Variants in RANBP10 observed in about 807,000 individuals in gnomAD.
RANBP10 encodes ran-binding protein 10.
RANBP10 carries 24 observed loss-of-function variants against 72.8 expected under a neutral mutation model. The observed-to-expected ratio is 0.33, with a 90% confidence interval of 0.24 to 0.46. RANBP10 has a LOEUF of 0.46. Ranked by LOEUF, RANBP10 falls within the 20% of genes least tolerant of loss-of-function variation. RANBP10 has a pLI of 1.00. For synonymous variants in RANBP10, 310 were observed against 322.3 expected, an observed-to-expected ratio of 0.96 and a Z score of 0.41; for missense variants, 679 against 817.5, an observed-to-expected ratio of 0.83 and a Z score of 2.07.
At chr16:67,779,570 A>G (rs2143014738) in intron 2 of RANBP10, among the ~76,000 whole-genome samples, 1 of 152,310 alleles carries the variant, frequency 6.6e-6, no homozygotes, top group African/African-American at 2.4e-5. Flanking sequence ...ATAGGAGGCC[A>G]CTGACACTAC....
At chr16:67,743,510 C>A (rs2054009083) in intron 4 of RANBP10, among the ~76,000 whole-genome samples, 1 of 152,194 alleles carries the variant, frequency 6.6e-6, no homozygotes, top group Non-Finnish European at 1.5e-5. Flanking sequence ...TCCTAAATGT[C>A]TACGCATGTA....
chr16:67,789,199 A>T (rs750959000), intron 2 of RANBP10, among the ~76,000 whole-genome samples: 1 of 150,116 alleles, frequency 6.7e-6, no homozygotes, highest in Non-Finnish European at 1.5e-5. Flanking sequence ...AGTCTCAGCT[A>T]GTCAGGAGGC....
chr16:67,798,716 C>A (rs991907340), intron 2 of RANBP10, among the ~76,000 whole-genome samples: 1 of 152,166 alleles, frequency 6.6e-6, no homozygotes, highest in African/African-American at 2.4e-5. Flanking sequence ...AAAAAGACAA[C>A]CGCTATGAGA....
chr16:67,779,577 C>T (rs1306551620), intron 2 of RANBP10, among the ~76,000 whole-genome samples: 1 of 152,196 alleles, frequency 6.6e-6, no homozygotes, highest in Non-Finnish European at 1.5e-5. Flanking sequence ...GCCACTGACA[C>T]TACCCTTCCT....
intron 3 of RANBP10, among the ~76,000 whole-genome samples, chr16:67,746,708 T>A (rs962122405): frequency 6.6e-6 from 1 of 152,186 alleles, no homozygotes; most frequent in Admixed American, 6.6e-5. Context: ...CCATTCCCAG[T>A]CCCCGGCAAC....
intron 2 of RANBP10, among the ~76,000 whole-genome samples, chr16:67,792,980 C>G (rs919947147): frequency 6.6e-6 from 1 of 152,068 alleles, no homozygotes; most frequent in Non-Finnish European, 1.5e-5. Flanking sequence ...GTTACACATC[C>G]TTGGTTCTGA....
intron 3 of RANBP10, among the ~76,000 whole-genome samples, chr16:67,758,156 G>T (rs1161264840): frequency 6.6e-6 from 1 of 152,210 alleles, no homozygotes; most frequent in Non-Finnish European, 1.5e-5. Flanking sequence ...GGCCCAGGGG[G>T]GCCAGGCTGG....
At chr16:67,771,435 T>C (rs1357990313) in intron 3 of RANBP10, among the ~76,000 whole-genome samples, 2 of 151,752 alleles carry the variant, frequency 1.3e-5, no homozygotes, top group Non-Finnish European at 1.5e-5. Flanking sequence ...AACCTCCACC[T>C]CCCGGGTTCA....
At chr16:67,733,889 C>T (rs2053785852) in intron 6 of RANBP10, among the ~76,000 whole-genome samples, 1 of 152,234 alleles carries the variant, frequency 6.6e-6, no homozygotes, top group African/African-American at 2.4e-5. Context: ...CTCCCCTACA[C>T]AGACTTGGCA....
rs1366862911 is a variant in RANBP10 at position 67,788,932 on chromosome 16, G to T, written c.347+16496C>A. Among the ~76,000 whole-genome samples, 2 of 149,560 alleles carry T rather than the reference G, an allele frequency of 1.3e-5. 1 individual carries two copies. Among genetic ancestry groups the T allele is most frequent in the African/African-American group, 5.0e-5 (2 of 40,138 alleles). ...GGGGAATAGCTTGAACCGAGGTGGA[G>T]GCTGCAGTGAGCCAAGATCACACCA... On this transcript the variant is annotated intron_variant, in intron 2 of 13. Coordinates refer to ENST00000317506, the MANE Select transcript of RANBP10 (RefSeq NM_020850.3).
At position 67,805,461 on chromosome 16, in the gene RANBP10, A is replaced by T. The variant is rs952188471; in HGVS notation, c.314T>A (p.Phe105Tyr). The T allele has an allele frequency of 1.1e-5, 18 of 1,613,976 alleles. No individual in the cohort carries two copies. Among genetic ancestry groups the T allele is most frequent in the Non-Finnish European group, 1.5e-5 (18 of 1,180,014 alleles). The part of the protein sequence containing the change: ...PIPAACGIYY[F>Y]EVKIVSKGRD... ...TCCTTTGCTGACAATCTTCACTTCA[A>T]AGTAATAAATGCCACAGGCAGCAGG... Residue 105 changes from phenylalanine (F) to tyrosine (Y), a missense_variant, in exon 2 of 14, where the codon TTT (phenylalanine) becomes TAT (tyrosine). Coordinates refer to ENST00000317506, the MANE Select transcript of RANBP10 (RefSeq NM_020850.3).
At chr16:67,735,339 C>G (rs1384618758) in intron 5 of RANBP10, among the ~76,000 whole-genome samples, 2 of 152,222 alleles carry the variant, frequency 1.3e-5, no homozygotes, top group African/African-American at 4.8e-5. Flanking sequence ...TCAGCCAAAG[C>G]ATACAGAAAT....
intron 3 of RANBP10, among the ~76,000 whole-genome samples, chr16:67,764,834 C>A (rs1220784312): frequency 1.3e-5 from 2 of 152,152 alleles, no homozygotes; most frequent in African/African-American, 4.8e-5. Flanking sequence ...GCCAGTAGAA[C>A]ATTTTGGAAC....
In RANBP10 at chr16:67,734,909, T is replaced by A. The variant is rs1388265523; in HGVS notation, c.725A>T (p.His242Leu). The A allele has an allele frequency of 3.1e-6, 5 of 1,612,548 alleles. No homozygotes were observed. Among genetic ancestry groups the A allele is most frequent in the Non-Finnish European group, 3.4e-6 (4 of 1,178,990 alleles). Residue 242 changes from histidine (H) to leucine (L), a missense_variant, in exon 6 of 14, where the codon CAC (histidine) becomes CTC (leucine). Physicochemically the swap from His to Leu is moderately conservative, Grantham distance 99 (BLOSUM62 -3). Transcript: ENST00000317506. ...EWRAKVQGTV[H>L]CFPISARLGE... The stretch of plus-strand genomic sequence containing the variant: ...AAGCCGGGCACTGATGGGGAAGCAG[T>A]GGACCGTGCCCTGGACCTTGGCACG...
chr16:67,728,376 G>A lies in RANBP10; in HGVS notation c.1474+14C>T. The stretch of plus-strand genomic sequence containing the variant: ...CTGCCCTCAAAGAATAGCACACCGG[G>A]CCGTGGCTCTCACCCATGCTGGACT... On this transcript the variant is annotated intron_variant, in intron 11 of 13. Coordinates refer to ENST00000317506, the MANE Select transcript of RANBP10 (RefSeq NM_020850.3). The A allele has an allele frequency of 1.9e-6, 3 of 1,612,844 alleles. No individual in the cohort carries two copies. The highest frequency in any genetic ancestry group is 2.5e-6 in the Non-Finnish European group (3 of 1,178,992).
intron 3 of RANBP10, among the ~76,000 whole-genome samples, chr16:67,769,618 C>T (rs2054571797): frequency 6.6e-6 from 1 of 150,644 alleles, no homozygotes. Context: ...TGGTGGCAGG[C>T]ACCTGTAATC....
intron 12 of RANBP10, 46 bp from the exon 13 acceptor site, chr16:67,727,484 C>CT: frequency 1.9e-6 from 3 of 1,543,774 alleles, no homozygotes; most frequent in Non-Finnish European, 2.7e-6. Context: ...CACACCATAG[C>CT]TCACCCTGCT....
chr16:67,768,444 C>T (rs1238414895), intron 3 of RANBP10, among the ~76,000 whole-genome samples: 1 of 151,926 alleles, frequency 6.6e-6, no homozygotes, highest in Non-Finnish European at 1.5e-5. Flanking sequence ...TAGCTTGAAC[C>T]CGGGAGGTGG....
chr16:67,750,748 C>CTTT (rs971576593), intron 3 of RANBP10, among the ~76,000 whole-genome samples: 2 of 148,682 alleles, frequency 1.3e-5, no homozygotes, highest in African/African-American at 5.0e-5. Flanking sequence ...GGAAGGTTTC[C>CTTT]TTTTTTCACT....
Sources: allele counts gnomAD v4.1 joint callset (sites outside exome capture counted in the v4.1 genomes callset), GRCh38; gene constraint gnomAD v4.1.1; transcripts MANE v1.5; gene names NCBI Gene and HGNC (gene_info 2026-07-23, HGNC 2026-07-21).